Variants in FRS2 observed in about 807,000 individuals in gnomAD.
FRS2 encodes FGFR signalling adaptor.
In FRS2, 8 loss-of-function variants were observed where a neutral mutation model predicts 43.9. The observed-to-expected ratio is 0.18, with a 90% confidence interval of 0.11 to 0.33. The LOEUF is 0.33. FRS2 is among the 10% of genes least tolerant of loss of function. The pLI is 1.00. For missense variants in FRS2, 534 were observed against 627.6 expected (o/e 0.85, Z 1.59); for synonymous variants, 219 against 220.3 (o/e 0.99, Z 0.05).
chr12:69,515,784 T>A (rs1874944021), intron 1 of FRS2, among the ~76,000 whole-genome samples: 1 of 151,132 alleles, frequency 6.6e-6, no homozygotes, highest in Admixed American at 6.6e-5. Context: ...TTTTTTTTTT[T>A]AAGTTTGAAT....
chr12:69,558,975 C>T (rs192245062), intron 3 of FRS2, among the ~76,000 whole-genome samples: 9 of 152,104 alleles, frequency 5.9e-5, no homozygotes, highest in South Asian at 2.1e-4. Flanking sequence ...ACTAAGTAAC[C>T]TTTTGTTAGC....
chr12:69,518,713 TA>T (rs71094718), intron 1 of FRS2, among the ~76,000 whole-genome samples: 299 of 143,162 alleles, frequency 2.1e-3, no homozygotes, highest in Admixed American at 2.0e-3. Flanking sequence ...AACCCTGTCT[TA>T]AAAAAAAAAA....
In FRS2 at chr12:69,470,400, C is replaced by T; in HGVS notation, c.-391C>T. The T allele has an allele frequency of 2.5e-6, 1 of 398,622 alleles. No homozygotes were observed. The highest frequency in any genetic ancestry group is 4.4e-6 in the Non-Finnish European group (1 of 226,144). 24.7% of individuals were successfully genotyped at this position (398,622 alleles called of 1,614,324 possible). A position where few individuals can be genotyped will look rare whatever the true frequency, so the allele number is the denominator to read the frequency against. On this transcript the variant is annotated 5_prime_UTR_variant, in exon 1 of 9. Coordinates refer to ENST00000549921, the MANE Select transcript of FRS2 (RefSeq NM_001278356.2). ...GGAAGTGCTTTTCCAAGATTCGGGCCGGAGAGAGGCCTTGTAGGCACAGCG... is the reference window on the plus strand; with the variant it reads ...GGAAGTGCTTTTCCAAGATTCGGGCTGGAGAGAGGCCTTGTAGGCACAGCG...
intron 1 of FRS2, among the ~76,000 whole-genome samples, chr12:69,481,308 T>G (rs953682472): frequency 4.6e-5 from 7 of 150,990 alleles, no homozygotes; most frequent in Non-Finnish European, 8.8e-5. Context: ...TGAGATAAAG[T>G]CTCTTCCTGT....
At chr12:69,492,086 T>G (rs1460197387) in intron 1 of FRS2, among the ~76,000 whole-genome samples, 1 of 152,214 alleles carries the variant, frequency 6.6e-6, no homozygotes, top group African/African-American at 2.4e-5. Context: ...TGATCACTCT[T>G]GTGCAAACAA....
rs913882680 is a variant in FRS2 at position 69,579,189 on chromosome 12, G to A, written c.*4234G>A. 6.6e-6 allele frequency: 1 copy of A among 152,614 alleles called. No individual in the cohort carries two copies. The highest frequency in any genetic ancestry group is 1.5e-5 in the Non-Finnish European group (1 of 68,042). 9.5% of individuals were successfully genotyped at this position (152,614 alleles called of 1,614,324 possible). A position where few individuals can be genotyped will look rare whatever the true frequency, so the allele number is the denominator to read the frequency against. ...AATATAACTTTTACACTGAGGCCGA[G>A]TGTGGCTTTTTGGAGGAAGTGGGGA... On this transcript the variant is annotated 3_prime_UTR_variant, in exon 9 of 9. Transcript: ENST00000549921.
chr12:69,557,634 GCGCAGGTGCATGCA>G (rs1421227071), intron 3 of FRS2, among the ~76,000 whole-genome samples: 1 of 147,474 alleles, frequency 6.8e-6, no homozygotes, highest in Admixed American at 6.7e-5. Flanking sequence ...GCGCGCGCGC[GCGCAGGTGCATGCA>G]CGCTAGGATT....
At chr12:69,539,757 C>A (rs1877694152) in intron 3 of FRS2, among the ~76,000 whole-genome samples, 1 of 151,914 alleles carries the variant, frequency 6.6e-6, no homozygotes, top group Non-Finnish European at 1.5e-5. Context: ...AGTTCGAGAC[C>A]AGCCTGGCCA....
At chr12:69,520,069 G>A (rs1299326793) in intron 1 of FRS2, among the ~76,000 whole-genome samples, 3 of 152,062 alleles carry the variant, frequency 2.0e-5, no homozygotes, top group African/African-American at 7.2e-5. Flanking sequence ...TTGCCAACAC[G>A]TTATTTCTTG....
At chr12:69,515,806 CTAGAG>C (rs1874948997) in intron 1 of FRS2, among the ~76,000 whole-genome samples, 2 of 150,316 alleles carry the variant, frequency 1.3e-5, no homozygotes, top group South Asian at 2.1e-4. Flanking sequence ...TGTGCTTTCC[CTAGAG>C]TAAACAGTAG....
chr12:69,490,437 T>G (rs1041100541), intron 1 of FRS2, among the ~76,000 whole-genome samples: 13 of 151,768 alleles, frequency 8.6e-5, no homozygotes, highest in African/African-American at 2.9e-4. Context: ...GTGGGTTTTT[T>G]TTTTTTTTTT....
At chr12:69,499,560 C>A (rs1249528821) in intron 1 of FRS2, among the ~76,000 whole-genome samples, 4 of 152,154 alleles carry the variant, frequency 2.6e-5, no homozygotes, top group African/African-American at 9.6e-5. Context: ...GAGAAAGCAT[C>A]CACAAGGCTA....
chr12:69,500,948 T>G (rs1046945015), intron 1 of FRS2, among the ~76,000 whole-genome samples: 2 of 152,218 alleles, frequency 1.3e-5, no homozygotes, highest in Non-Finnish European at 2.9e-5. Context: ...TCTGAACACA[T>G]TTTTGGAAGT....
At chr12:69,512,148 AC>A (rs1874519981) in intron 1 of FRS2, among the ~76,000 whole-genome samples, 2 of 151,540 alleles carry the variant, frequency 1.3e-5, no homozygotes, top group Admixed American at 1.3e-4. Flanking sequence ...CTTTATACAC[AC>A]CCTCCCTCCC....
At chr12:69,514,885 T>A (rs543669945) in intron 1 of FRS2, among the ~76,000 whole-genome samples, 8 of 151,780 alleles carry the variant, frequency 5.3e-5, no homozygotes, top group African/African-American at 1.9e-4. Context: ...GTAGAACCAG[T>A]GTTTTACCTT....
At chr12:69,497,432 T>G (rs1873009717) in intron 1 of FRS2, among the ~76,000 whole-genome samples, 1 of 152,210 alleles carries the variant, frequency 6.6e-6, no homozygotes, top group African/African-American at 2.4e-5. Flanking sequence ...GCTTCATAGA[T>G]GGTGCCTCTT....
chr12:69,527,359 T>TTTTTTTTTTG (rs1876360179), intron 1 of FRS2, among the ~76,000 whole-genome samples: 1 of 142,498 alleles, frequency 7.0e-6, no homozygotes, highest in African/African-American at 2.6e-5. Flanking sequence ...TTTTTTTTTT[T>TTTTTTTTTTG]TTTTTAAAGA....
At chr12:69,515,626 G>A (rs1874925772) in intron 1 of FRS2, among the ~76,000 whole-genome samples, 1 of 152,106 alleles carries the variant, frequency 6.6e-6, no homozygotes, top group South Asian at 2.1e-4. Context: ...TCGAGAGGGA[G>A]AAACAAAGAC....
At chr12:69,532,304 A>G (rs1876877164) in intron 3 of FRS2, among the ~76,000 whole-genome samples, 1 of 152,202 alleles carries the variant, frequency 6.6e-6, no homozygotes, top group African/African-American at 2.4e-5. Flanking sequence ...ACTGCTTCTC[A>G]TGGTCAGAGC....
Sources: allele counts gnomAD v4.1 joint callset (sites outside exome capture counted in the v4.1 genomes callset), GRCh38; gene constraint gnomAD v4.1.1; transcripts MANE v1.5; gene names NCBI Gene and HGNC (gene_info 2026-07-23, HGNC 2026-07-21).